The following CSMD2 variants were observed in gnomAD, a reference collection of about 807,000 sequenced individuals.
CSMD2 encodes CUB and Sushi multiple domains 2.
In CSMD2, 130 loss-of-function variants were observed where a neutral mutation model predicts 398.5. The ratio of observed to expected loss-of-function variants is 0.33; its 90% CI spans 0.28 to 0.38. CSMD2 has a LOEUF of 0.38. Among genes scored for constraint, CSMD2 ranks in the 10% least tolerant of loss-of-function variants. The pLI, the probability that CSMD2 is intolerant of heterozygous loss-of-function variation, is 1.00. For synonymous variants in CSMD2, 1,828 were observed against 1,908.5 expected (o/e 0.96, Z 1.10); for missense variants, 3,829 against 4,764.9 (o/e 0.80, Z 5.78).
chr1:33,926,277 T>C (rs926362594), intron 4 of CSMD2, among the ~76,000 whole-genome samples: 6 of 151,990 alleles, frequency 3.9e-5, no homozygotes, highest in African/African-American at 1.5e-4. Flanking sequence ...ACATAGGGAG[T>C]GGCTGAGTCA....
chr1:33,873,464 T>C (rs1640617814), intron 5 of CSMD2: 1 of 152,228 alleles, frequency 6.6e-6, no homozygotes, highest in Admixed American at 6.5e-5. Context: ...GAATGTCACT[T>C]CTCATATCAG....
chr1:33,676,442 G>T (rs1399572833), intron 25 of CSMD2, among the ~76,000 whole-genome samples: 2 of 152,174 alleles, frequency 1.3e-5, no homozygotes, highest in Admixed American at 1.3e-4. Context: ...ACAAACCACT[G>T]CTCAAGGAAA....
chr1:34,127,990 C>T (rs1662917984), intron 1 of CSMD2, among the ~76,000 whole-genome samples: 3 of 152,094 alleles, frequency 2.0e-5, no homozygotes, highest in Non-Finnish European at 4.4e-5. Flanking sequence ...TCTTCTCAGG[C>T]CAGCAAGACC....
intron 65 of CSMD2, among the ~76,000 whole-genome samples, chr1:33,525,756 C>T (rs2148538519): frequency 6.6e-6 from 1 of 151,596 alleles, no homozygotes; most frequent in East Asian, 1.9e-4. Flanking sequence ...GTGATCTCGG[C>T]TCACTGCAAC....
At chr1:33,837,121 C>A (rs1313397774) in intron 6 of CSMD2, among the ~76,000 whole-genome samples, 1 of 152,102 alleles carries the variant, frequency 6.6e-6, no homozygotes, top group Non-Finnish European at 1.5e-5. Context: ...GTTTTTTTAA[C>A]AGTCTGCTCA....
intron 3 of CSMD2, among the ~76,000 whole-genome samples, chr1:33,950,067 A>G (rs1418484390): frequency 6.6e-6 from 1 of 151,662 alleles, no homozygotes; most frequent in African/African-American, 2.4e-5. Context: ...CCTTCCTTCC[A>G]TCTCTCATAT....
intron 1 of CSMD2, among the ~76,000 whole-genome samples, chr1:34,144,159 G>A (rs1639557251): frequency 6.6e-6 from 1 of 152,148 alleles, no homozygotes; most frequent in African/African-American, 2.4e-5. Context: ...TCCAAGGTGG[G>A]TGGGGCTCCT....
intron 58 of CSMD2, among the ~76,000 whole-genome samples, chr1:33,541,644 A>G (rs1656352659): frequency 1.3e-5 from 2 of 152,068 alleles, no homozygotes; most frequent in Admixed American, 6.5e-5. Flanking sequence ...CCCATTTTAA[A>G]TTTTGTTTTG....
At chr1:33,825,445 A>C (rs2125014354) in intron 7 of CSMD2, among the ~76,000 whole-genome samples, 1 of 152,380 alleles carries the variant, frequency 6.6e-6, no homozygotes, top group Admixed American at 6.5e-5. Context: ...CCTGGACTGC[A>C]GTTCAAATGG....
chr1:33,894,637 C>T (rs1642257034), intron 5 of CSMD2, among the ~76,000 whole-genome samples: 1 of 152,186 alleles, frequency 6.6e-6, no homozygotes, highest in South Asian at 2.1e-4. Flanking sequence ...ACAGTCTCTT[C>T]CCTGTATTAT....
At chr1:33,810,963 T>C in intron 9 of CSMD2, 99 bp from the exon 10 acceptor site, 1 of 1,293,860 alleles carries the variant, frequency 7.7e-7, no homozygotes, top group South Asian at 1.3e-5. Context: ...ATCTGTACAG[T>C]TCCCACCCTG....
chr1:33,605,768 A>G lies in CSMD2; in HGVS notation c.6344-298T>C, dbSNP rs1640553718. 5 of 1,019,122 alleles carry G rather than the reference A, an allele frequency of 4.9e-6. No individual in the cohort carries two copies. The South Asian group carries it at 5.9e-5, about 12-fold the overall frequency. The allele number at this position is 1,019,122 out of a possible 1,614,324, so 63.1% of individuals were successfully genotyped here. On this transcript the variant is annotated intron_variant, in intron 41 of 70. Coordinates refer to ENST00000373381, the MANE Select transcript of CSMD2 (RefSeq NM_001281956.2). ...GTAATTCCGTAGGAAAAGGAGGCTC[A>G]AGGAAGACATTGCTCAATTGAACCT...
chr1:33,902,407 T>A (rs1054046641), intron 5 of CSMD2, among the ~76,000 whole-genome samples: 2 of 152,160 alleles, frequency 1.3e-5, no homozygotes, highest in African/African-American at 4.8e-5. Context: ...CTTCATAATC[T>A]CTTTCCCAAA....
chr1:34,143,129 T>G (rs1438493549), intron 1 of CSMD2, among the ~76,000 whole-genome samples: 3 of 152,094 alleles, frequency 2.0e-5, no homozygotes, highest in Non-Finnish European at 4.4e-5. Context: ...CTACCTTCAG[T>G]GGGGTCTGGA....
intron 65 of CSMD2, 71 bp from the exon 66 acceptor site, chr1:33,525,114 T>C: frequency 6.6e-7 from 1 of 1,504,422 alleles, no homozygotes; most frequent in South Asian, 1.2e-5. Context: ...GCCTGATGAC[T>C]GATCCCAGCC....
intron 12 of CSMD2, among the ~76,000 whole-genome samples, chr1:33,784,371 T>C (rs1014064159): frequency 6.6e-6 from 1 of 152,004 alleles, no homozygotes; most frequent in Non-Finnish European, 1.5e-5. Flanking sequence ...CACCTTTTTA[T>C]AGTAGAGGGG....
At chr1:33,837,469 T>A (rs113373520) in intron 6 of CSMD2, among the ~76,000 whole-genome samples, 119,224 of 151,796 alleles carry the variant, frequency 0.79, 47,666 homozygotes, top group East Asian at 0.94. Context: ...AGAAGTTTTT[T>A]ACTATCAATG....
chr1:33,546,789 T>C (rs571777872), intron 56 of CSMD2, among the ~76,000 whole-genome samples: 19 of 152,138 alleles, frequency 1.2e-4, no homozygotes, highest in African/African-American at 1.9e-4. Flanking sequence ...CCCGATGCCA[T>C]AGGATAAAGT....
intron 1 of CSMD2, among the ~76,000 whole-genome samples, chr1:34,142,108 A>G (rs1639349372): frequency 6.6e-6 from 1 of 152,102 alleles, no homozygotes; most frequent in African/African-American, 2.4e-5. Context: ...GGCCCACCCC[A>G]TACATGTTTG....
Sources: gnomAD v4.1 joint callset for allele counts (sites outside exome capture counted in the v4.1 genomes callset) on GRCh38, gnomAD v4.1.1 for gene constraint, MANE v1.5 for transcripts, NCBI Gene and HGNC (gene_info 2026-07-23, HGNC 2026-07-21) for gene names.